Variants in PTPRN2 observed in about 807,000 individuals in gnomAD.
The protein encoded by PTPRN2 is protein tyrosine phosphatase receptor type N2, also known as receptor-type tyrosine-protein phosphatase N2.
Under a neutral mutation model 118.8 loss-of-function variants are expected in PTPRN2, and 74 were observed. The ratio of observed to expected loss-of-function variants is 0.62; its 90% CI spans 0.52 to 0.76. The LOEUF (loss-of-function observed/expected upper bound fraction) is 0.76, where lower values mean the gene tolerates loss of function less well. Ranked by LOEUF, PTPRN2 falls within the 30% of genes least tolerant of loss-of-function variation. PTPRN2 has a pLI of 0.00. For missense variants in PTPRN2, 1,481 were observed against 1,394.4 expected (o/e 1.06, Z -0.99); for synonymous variants, 641 against 608.0 (o/e 1.05, Z -0.80).
intron 3 of PTPRN2, among the ~76,000 whole-genome samples, chr7:158,253,619 G>T (rs1237536709): frequency 6.6e-6 from 1 of 152,130 alleles, no homozygotes; most frequent in Non-Finnish European, 1.5e-5. Context: ...CGGTGGTCAG[G>T]TTGGCCTTGA....
intron 14 of PTPRN2, among the ~76,000 whole-genome samples, chr7:157,633,233 T>C (rs980027430): frequency 6.6e-6 from 1 of 151,718 alleles, no homozygotes; most frequent in Non-Finnish European, 1.5e-5. Context: ...CTCCACCTCC[T>C]GGGTTCAAGC....
chr7:158,446,503 C>A (rs995623423), intron 2 of PTPRN2, among the ~76,000 whole-genome samples: 2 of 151,312 alleles, frequency 1.3e-5, no homozygotes, highest in African/African-American at 4.9e-5. Flanking sequence ...GAGACCCACC[C>A]GAGCCACAGC....
chr7:158,019,953 C>G (rs974420907), intron 11 of PTPRN2, among the ~76,000 whole-genome samples: 1 of 152,262 alleles, frequency 6.6e-6, no homozygotes, highest in African/African-American at 2.4e-5. Context: ...CCAGACCCTG[C>G]TCCTCAGGTC....
chr7:157,928,308 C>T (rs1337911871), intron 11 of PTPRN2, among the ~76,000 whole-genome samples: 1 of 152,142 alleles, frequency 6.6e-6, no homozygotes, highest in African/African-American at 2.4e-5. Context: ...GGCATCAGGC[C>T]TCTCTGCTCT....
intron 11 of PTPRN2, among the ~76,000 whole-genome samples, chr7:157,904,284 C>A (rs1196178591): frequency 6.6e-6 from 1 of 152,230 alleles, no homozygotes; most frequent in Non-Finnish European, 1.5e-5. Flanking sequence ...AAGATAGGGT[C>A]TCTTCCTTCC....
At chr7:158,364,775 C>T (rs962060976) in intron 2 of PTPRN2, among the ~76,000 whole-genome samples, 2 of 152,178 alleles carry the variant, frequency 1.3e-5, no homozygotes, top group African/African-American at 4.8e-5. Context: ...TCTGTCCACA[C>T]ACACAGGTCT....
rs151157634 is a variant in PTPRN2, at chr7:158,433,595, T to C, written c.163+56140A>G. 5.7e-3 allele frequency among the ~76,000 whole-genome samples: 869 copies of C among 152,334 alleles called. 6 individuals carry two copies. The highest frequency in any genetic ancestry group is 0.02 in the African/African-American group (814 of 41,564). ...ACTGGTAAGTTGGTCCTTCCTTCTG[T>C]TTTTCTTGATCAGCCTTGCCAGAAG... On this transcript the variant is annotated intron_variant, in intron 2 of 22. Coordinates refer to ENST00000389418, the MANE Select transcript of PTPRN2 (RefSeq NM_002847.5).
At chr7:158,260,086 C>T (rs1032536556) in intron 3 of PTPRN2, among the ~76,000 whole-genome samples, 8 of 152,174 alleles carry the variant, frequency 5.3e-5, no homozygotes, top group Non-Finnish European at 2.9e-5. Flanking sequence ...TGTGCGTGCA[C>T]GTCTGTGTGC....
intron 12 of PTPRN2, among the ~76,000 whole-genome samples, chr7:157,765,112 C>T (rs1802372290): frequency 6.6e-6 from 1 of 151,436 alleles, no homozygotes; most frequent in Admixed American, 6.6e-5. Flanking sequence ...CATCCTTCCC[C>T]CATCCATCCA....
In PTPRN2 at chr7:158,076,199, G is replaced by A. The variant is rs1464478676; in HGVS notation, c.1723+5099C>T. ...AGTGCAACTTCCCTTCCACACTCAT[G>A]GCTCAGGAGTTCCTCTTGTCTTGCT... is the stretch of plus-strand genomic sequence containing the variant. On this transcript the variant is annotated intron_variant, in intron 11 of 22. Coordinates refer to ENST00000389418, the MANE Select transcript of PTPRN2 (RefSeq NM_002847.5). Among the ~76,000 whole-genome samples, 3 of 152,364 alleles carry A rather than the reference G, an allele frequency of 2.0e-5. No homozygotes were observed. The East Asian group carries it at 5.8e-4, about 29-fold the overall frequency.
At chr7:158,201,856 A>C (rs1329590876) in intron 4 of PTPRN2, among the ~76,000 whole-genome samples, 3 of 152,134 alleles carry the variant, frequency 2.0e-5, no homozygotes, top group African/African-American at 4.8e-5. Context: ...TATTTGATTG[A>C]TGTCTCACGC....
intron 1 of PTPRN2, among the ~76,000 whole-genome samples, chr7:158,495,138 C>T (rs955353451): frequency 2.6e-5 from 4 of 152,122 alleles, no homozygotes; most frequent in African/African-American, 9.7e-5. Flanking sequence ...GTCTCACCAC[C>T]GTGGGTTTCA....
chr7:158,032,133 C>A (rs1410621856), intron 11 of PTPRN2, among the ~76,000 whole-genome samples: 1 of 152,224 alleles, frequency 6.6e-6, no homozygotes. Context: ...CGGAAACCTG[C>A]CCCCACGCCT....
At chr7:158,352,774 T>C (rs192427681) in intron 2 of PTPRN2, among the ~76,000 whole-genome samples, 2 of 152,390 alleles carry the variant, frequency 1.3e-5, no homozygotes, top group East Asian at 1.9e-4. Flanking sequence ...TTACCAAATA[T>C]AGCTTTCAAT....
chr7:158,375,047 A>C (rs1323790602), intron 2 of PTPRN2, among the ~76,000 whole-genome samples: 1 of 151,974 alleles, frequency 6.6e-6, no homozygotes, highest in African/African-American at 2.4e-5. Context: ...TAGATGAGAA[A>C]CTCCACATCC....
At chr7:157,816,704 G>A (rs1806422965) in intron 12 of PTPRN2, among the ~76,000 whole-genome samples, 1 of 152,172 alleles carries the variant, frequency 6.6e-6, no homozygotes, top group African/African-American at 2.4e-5. Context: ...GCTGGCATTC[G>A]GCACATCCTT....
At chr7:158,419,507 C>A (rs1489478456) in intron 2 of PTPRN2, among the ~76,000 whole-genome samples, 1 of 152,060 alleles carries the variant, frequency 6.6e-6, no homozygotes, top group African/African-American at 2.4e-5. Context: ...CCCAGCTCCA[C>A]AGACCCTTCC....
At chr7:158,244,442 G>A (rs537619845) in intron 3 of PTPRN2, among the ~76,000 whole-genome samples, 111 of 152,312 alleles carry the variant, frequency 7.3e-4, no homozygotes, top group Admixed American at 1.0e-3. Flanking sequence ...TGTGTTTTGC[G>A]TGAGTGTGAA....
rs61685227 is a variant in PTPRN2 at position 158,286,033 on chromosome 7, A to G, written c.277+30786T>C. Among the ~76,000 whole-genome samples, 702 of 152,336 alleles carry G rather than the reference A, an allele frequency of 4.6e-3. 7 individuals are homozygous for G. Among genetic ancestry groups the G allele is most frequent in the African/African-American group, 0.016 (652 of 41,580 alleles). ...CGAGAATGAACATTTATCAACAGCC[A>G]TCGGGAAACATGCCCTCCAGCTCTC... On this transcript the variant is annotated intron_variant, in intron 3 of 22. Coordinates refer to ENST00000389418, the MANE Select transcript of PTPRN2 (RefSeq NM_002847.5).
Sources: gnomAD v4.1 joint callset for allele counts (sites outside exome capture counted in the v4.1 genomes callset) on GRCh38, gnomAD v4.1.1 for gene constraint, MANE v1.5 for transcripts, NCBI Gene and HGNC (gene_info 2026-07-23, HGNC 2026-07-21) for gene names.